Variants in ZNF385D observed in about 807,000 individuals in gnomAD.
ZNF385D encodes the protein zinc finger protein 659.
Under a neutral mutation model 35.8 loss-of-function variants are expected in ZNF385D, and 15 were observed. The observed-to-expected ratio is 0.42, with a 90% CI of 0.28 to 0.64. The LOEUF (loss-of-function observed/expected upper bound fraction) is 0.64, where lower values mean the gene tolerates loss of function less well. Among genes scored for constraint, ZNF385D ranks in the 30% least tolerant of loss-of-function variants. ZNF385D has a pLI of 0.23. For synonymous variants in ZNF385D, 212 were observed against 186.8 expected, an observed-to-expected ratio of 1.13 and a Z score of -1.10; for missense variants, 474 against 494.6, an observed-to-expected ratio of 0.96 and a Z score of 0.39.
intron 3 of ZNF385D, among the ~76,000 whole-genome samples, chr3:22,007,177 C>A (rs531769765): frequency 6.6e-6 from 1 of 152,184 alleles, no homozygotes; most frequent in Non-Finnish European, 1.5e-5. Flanking sequence ...TTCATCCATA[C>A]CTATTAATAA....
chr3:21,903,788 T>C (rs1699535891), intron 3 of ZNF385D, among the ~76,000 whole-genome samples: 1 of 152,106 alleles, frequency 6.6e-6, no homozygotes, highest in Non-Finnish European at 1.5e-5. Flanking sequence ...AAATATGGCA[T>C]TCAAGACTTT....
intron 3 of ZNF385D, among the ~76,000 whole-genome samples, chr3:21,994,874 G>C (rs1231692811): frequency 6.6e-6 from 1 of 152,204 alleles, no homozygotes; most frequent in Non-Finnish European, 1.5e-5. Context: ...TGGTGGTAAG[G>C]CTTGGCTATG....
intron 2 of ZNF385D, among the ~76,000 whole-genome samples, chr3:22,255,610 A>G (rs564860573): frequency 6.6e-6 from 1 of 151,850 alleles, no homozygotes; most frequent in Non-Finnish European, 1.5e-5. Context: ...CCTCTATTAT[A>G]TTTCTACCTG....
intron 1 of ZNF385D, among the ~76,000 whole-genome samples, chr3:21,687,965 G>T (rs1192301066): frequency 6.6e-6 from 1 of 151,040 alleles, no homozygotes; most frequent in Non-Finnish European, 1.5e-5. Flanking sequence ...CACGGTCACA[G>T]CTTACTGCAA....
At chr3:22,099,737 A>T (rs1358331408) in intron 3 of ZNF385D, among the ~76,000 whole-genome samples, 1 of 151,942 alleles carries the variant, frequency 6.6e-6, no homozygotes, top group Admixed American at 6.6e-5. Flanking sequence ...GCGTAAGGAG[A>T]GCTGAAGCCA....
intron 3 of ZNF385D, among the ~76,000 whole-genome samples, chr3:22,138,298 C>T (rs2125698678): frequency 6.6e-6 from 1 of 152,240 alleles, no homozygotes; most frequent in South Asian, 2.1e-4. Flanking sequence ...ACTTTCTTCA[C>T]AGAATTGGAA....
chr3:21,976,821 T>C (rs565495630), intron 3 of ZNF385D, among the ~76,000 whole-genome samples: 5 of 152,228 alleles, frequency 3.3e-5, no homozygotes, highest in East Asian at 3.9e-4. Context: ...TGAAACCCCA[T>C]CTCTGCTAAA....
chr3:21,891,919 C>A (rs575648679), intron 3 of ZNF385D, among the ~76,000 whole-genome samples: 1 of 152,076 alleles, frequency 6.6e-6, no homozygotes, highest in Non-Finnish European at 1.5e-5. Flanking sequence ...TGCTTAATAG[C>A]TTTTTCAAAG....
chr3:21,875,162 T>C lies in ZNF385D; in HGVS notation c.326-210134A>G, dbSNP rs141882824. ...AGTTTTCTTTGGTGTGAAGTACGTA[T>C]GGTTTTCTACATATTAGACCATGTC... On this transcript the variant is annotated intron_variant, in intron 3 of 5. Transcript: ENST00000494108. Among the ~76,000 whole-genome samples, 208 of 152,244 alleles carry C rather than the reference T, an allele frequency of 1.4e-3. 5 individuals are homozygous for C. The East Asian group carries it at 0.038, about 27-fold the overall frequency.
chr3:21,898,515 T>A (rs1016291951), intron 3 of ZNF385D, among the ~76,000 whole-genome samples: 5 of 152,274 alleles, frequency 3.3e-5, no homozygotes, highest in Middle Eastern at 3.4e-3. Flanking sequence ...ATACTTCTAG[T>A]CTGCTTCATT....
chr3:22,264,863 CTTAGTA>C (rs10554359), intron 2 of ZNF385D, among the ~76,000 whole-genome samples: 50,188 of 151,258 alleles, frequency 0.33, 8,619 homozygotes, highest in Non-Finnish European at 0.38. Flanking sequence ...CATTCTCCCT[CTTAGTA>C]TAAGACAAAG....
At chr3:22,133,055 T>C (rs910270570) in intron 3 of ZNF385D, among the ~76,000 whole-genome samples, 2 of 152,184 alleles carry the variant, frequency 1.3e-5, no homozygotes, top group African/African-American at 4.8e-5. Context: ...TAGGTATTTA[T>C]GAAAGCTAAT....
At chr3:22,083,406 A>C (rs1441727115) in intron 3 of ZNF385D, among the ~76,000 whole-genome samples, 2 of 152,234 alleles carry the variant, frequency 1.3e-5, no homozygotes, top group African/African-American at 2.4e-5. Context: ...ATGGAGCTGA[A>C]AACCATGGCA....
chr3:22,175,006 T>C lies in ZNF385D; in HGVS notation c.107-5971A>G, dbSNP rs183457136. On this transcript the variant is annotated intron_variant, in intron 2 of 5. Coordinates refer to the ZNF385D transcript ENST00000494108. The stretch of plus-strand genomic sequence containing the variant: ...GAATCCACCAATACTGACTTCCTTA[T>C]AGAGTCTCTTATAAAGAGTTCTTAA... Among the ~76,000 whole-genome samples the C allele has an allele frequency of 1.2e-3, 175 of 152,092 alleles. 1 individual carries two copies. Among genetic ancestry groups the C allele is most frequent in the African/African-American group, 4.0e-3 (167 of 41,528 alleles).
At chr3:22,191,710 A>T (rs1696045596) in intron 2 of ZNF385D, among the ~76,000 whole-genome samples, 1 of 152,166 alleles carries the variant, frequency 6.6e-6, no homozygotes, top group Admixed American at 6.6e-5. Flanking sequence ...TTGTACTTGT[A>T]AAACAGTAAT....
At chr3:21,852,446 C>T (rs1208848656) in intron 3 of ZNF385D, among the ~76,000 whole-genome samples, 1 of 151,904 alleles carries the variant, frequency 6.6e-6, no homozygotes, top group Non-Finnish European at 1.5e-5. Flanking sequence ...AAAACTGTCA[C>T]CTCTAGACCT....
intron 3 of ZNF385D, among the ~76,000 whole-genome samples, chr3:21,907,725 T>C (rs1699752205): frequency 6.6e-6 from 1 of 152,102 alleles, no homozygotes; most frequent in African/African-American, 2.4e-5. Context: ...ATATTCAGTA[T>C]TATTATTTTT....
chr3:22,235,240 C>T (rs1193788455), intron 2 of ZNF385D, among the ~76,000 whole-genome samples: 3 of 152,018 alleles, frequency 2.0e-5, no homozygotes, highest in Non-Finnish European at 1.5e-5. Context: ...CATGATGTGT[C>T]TTCTCAAAAA....
At chr3:22,349,313 C>T (rs79078844) in intron 2 of ZNF385D, among the ~76,000 whole-genome samples, 4,210 of 152,220 alleles carry the variant, frequency 0.028, 202 homozygotes, top group African/African-American at 0.096. Flanking sequence ...ATTACTTGTT[C>T]ACCATATTCA....
Sources: allele counts gnomAD v4.1 joint callset (sites outside exome capture counted in the v4.1 genomes callset), GRCh38; gene constraint gnomAD v4.1.1; transcripts MANE v1.5; gene names NCBI Gene and HGNC (gene_info 2026-07-23, HGNC 2026-07-21).